Variants in UPRT observed in about 807,000 individuals in gnomAD.
UPRT encodes uracil phosphoribosyltransferase homolog.
A neutral mutation model predicts 22.6 loss-of-function variants in UPRT; 5 were observed. The ratio of observed to expected loss-of-function variants is 0.22; its 90% confidence interval spans 0.12 to 0.47. UPRT has a LOEUF of 0.47. Among genes scored for constraint, UPRT ranks in the 20% least tolerant of loss-of-function variants. The probability of loss-of-function intolerance (pLI) is 0.99; values close to 1 mark genes in which losing one functional copy is unlikely to be tolerated. For synonymous variants in UPRT, 77 were observed against 87.7 expected, an observed-to-expected ratio of 0.88 and a Z score of 0.68; for missense variants, 181 against 239.9, an observed-to-expected ratio of 0.75 and a Z score of 1.62.
At chrX:75,157,057 G>T (rs929324447) in intron 1 of UPRT, among the ~76,000 whole-genome samples, 2 of 112,107 alleles carry the variant, frequency 1.8e-5, no homozygotes, top group Admixed American at 1.9e-4. Context: ...TGTATGGAGA[G>T]AAGACCATGT....
At chrX:75,162,927 A>G (rs769794462) in intron 2 of UPRT, among the ~76,000 whole-genome samples, 18 of 112,031 alleles carry the variant, frequency 1.6e-4, no homozygotes, top group African/African-American at 5.8e-4. Flanking sequence ...ACAAACTAAC[A>G]CAAACTTTGT....
chrX:75,250,685 G>C (rs376595847), intron 4 of UPRT, among the ~76,000 whole-genome samples: 4 of 111,429 alleles, frequency 3.6e-5, no homozygotes, highest in Non-Finnish European at 5.7e-5. Context: ...AATAGAAAAA[G>C]AGGGAATCCT....
chrX:75,207,002 A>T lies in UPRT; in HGVS notation c.-447+39123A>T, dbSNP rs763439029. Among the ~76,000 whole-genome samples the T allele has an allele frequency of 5.3e-5, 6 of 112,259 alleles. No individual in the cohort carries two copies. In the East Asian group the frequency reaches 1.1e-3, roughly 21 times the overall value. ...TAAGAGCTGCCTGCTGGGCTGCCAAATTTGCTAAAACCTTTTCCTTGGTTA... is the reference window on the plus strand; with the variant it reads ...TAAGAGCTGCCTGCTGGGCTGCCAATTTTGCTAAAACCTTTTCCTTGGTTA... On this transcript the variant is annotated intron_variant, in intron 4 of 13. Transcript: ENST00000652605.
chrX:75,219,483 A>G (rs1178774776), intron 4 of UPRT, among the ~76,000 whole-genome samples: 1 of 112,196 alleles, frequency 8.9e-6, no homozygotes. Flanking sequence ...GGGCTTCATC[A>G]AGAGTTTTTG....
intron 4 of UPRT, among the ~76,000 whole-genome samples, chrX:75,170,194 G>A (rs925252935): frequency 1.0e-4 from 11 of 110,104 alleles, no homozygotes; most frequent in Non-Finnish European, 1.9e-4. Context: ...ACGCCACCAC[G>A]CCCAGCTAAT....
In UPRT at chrX:75,233,188, A is replaced by G. The variant is rs1464892187; in HGVS notation, c.-446-57836A>G. 1.1e-4 allele frequency among the ~76,000 whole-genome samples: 12 copies of G among 111,351 alleles called. No homozygotes were observed. The East Asian group carries it at 2.8e-3, about 26-fold the overall frequency. On this transcript the variant is annotated intron_variant, in intron 4 of 13. Transcript: ENST00000652605. ...ATCAACTGGAAGAAAGGGTATCAGC[A>G]ATGGAAGATGAAATGAATGAAATGA...
At chrX:75,224,840 T>A (rs778998066) in intron 4 of UPRT, among the ~76,000 whole-genome samples, 1 of 111,699 alleles carries the variant, frequency 9.0e-6, no homozygotes, top group East Asian at 2.8e-4. Context: ...CAACTTTCAC[T>A]GTTTTTGAGA....
chrX:75,196,208 C>T (rs933777184), intron 4 of UPRT, among the ~76,000 whole-genome samples: 8 of 111,730 alleles, frequency 7.2e-5, no homozygotes, highest in South Asian at 3.7e-4. Flanking sequence ...CTCTGTTGCC[C>T]GGGCTGGAGT....
At chrX:75,268,537 G>A (rs755502458) in intron 4 of UPRT, among the ~76,000 whole-genome samples, 1 of 111,581 alleles carries the variant, frequency 9.0e-6, no homozygotes, top group South Asian at 3.7e-4. Flanking sequence ...AAATCCAGCA[G>A]CACATCAAAA....
At chrX:75,217,052 C>T (rs187550899) in intron 4 of UPRT, among the ~76,000 whole-genome samples, 17 of 111,499 alleles carry the variant, frequency 1.5e-4, no homozygotes, top group Admixed American at 7.6e-4. Flanking sequence ...TGCGCCTGGC[C>T]GAGAAATAAG....
chrX:75,274,119 G>A lies in UPRT; in HGVS notation c.-136G>A. On this transcript the variant is annotated 5_prime_UTR_variant, in exon 1 of 7. Coordinates refer to ENST00000373383, the MANE Select transcript of UPRT (RefSeq NM_145052.4). The stretch of plus-strand genomic sequence containing the variant: ...TAAAGGAAACCAACAGCGGCCTAGG[G>A]GTGAAAGGACAGCCAGGGTTAGATG... 1 of 971,962 alleles carries A rather than the reference G, an allele frequency of 1.0e-6. No homozygotes were observed. Among genetic ancestry groups the A allele is most frequent in the Non-Finnish European group, 1.4e-6 (1 of 727,382 alleles). 80.1% of individuals were successfully genotyped at this position (971,962 alleles called of 1,213,427 possible). A position where few individuals can be genotyped will look rare whatever the true frequency, so the allele number is the denominator to read the frequency against.
chrX:75,190,129 C>A (rs2082309908), intron 4 of UPRT, among the ~76,000 whole-genome samples: 1 of 112,111 alleles, frequency 8.9e-6, no homozygotes, highest in Non-Finnish European at 1.9e-5. Context: ...TTGTTCCTTT[C>A]CATGTTTAGT....
chrX:75,279,923 C>T (rs2082647179), intron 1 of UPRT, among the ~76,000 whole-genome samples: 1 of 111,389 alleles, frequency 9.0e-6, no homozygotes, highest in Non-Finnish European at 1.9e-5. Flanking sequence ...TGAGTTACAT[C>T]ACTTAGAATA....
chrX:75,230,479 C>T (rs2082434994), intron 4 of UPRT, among the ~76,000 whole-genome samples: 1 of 111,982 alleles, frequency 8.9e-6, no homozygotes, highest in Admixed American at 9.4e-5. Flanking sequence ...AAAGCATCAC[C>T]TGCTGGCTGG....
intron 1 of UPRT, 42 bp downstream of exon 1, chrX:75,274,682 G>T (rs1387625878): frequency 2.6e-6 from 3 of 1,145,327 alleles, no homozygotes; most frequent in Non-Finnish European, 2.3e-6. Context: ...GGAGGGTCTT[G>T]CAGGCTGTGG....
rs180751278 is a variant in UPRT, at chrX:75,185,388, A to G, written c.-447+17509A>G. ...GATGAAGCCCACTTGATCATGGTGG[A>G]TAAGCTGTTTGATGTGCTGCTGGAT... On this transcript the variant is annotated intron_variant, in intron 4 of 13. Transcript: ENST00000652605. Among the ~76,000 whole-genome samples, 77 of 111,957 alleles carry G rather than the reference A, an allele frequency of 6.9e-4. 1 individual carries two copies. In the East Asian group the frequency reaches 0.02, roughly 29 times the overall value.
At chrX:75,268,597 G>C (rs974577122) in intron 4 of UPRT, among the ~76,000 whole-genome samples, 5 of 111,657 alleles carry the variant, frequency 4.5e-5, no homozygotes, top group African/African-American at 6.5e-5. Context: ...TGCAAGGCTG[G>C]TTCAACATAT....
intron 4 of UPRT, among the ~76,000 whole-genome samples, chrX:75,223,915 T>A (rs989199022): frequency 8.9e-6 from 1 of 111,912 alleles, no homozygotes; most frequent in Non-Finnish European, 1.9e-5. Flanking sequence ...TATTCAGTCA[T>A]CTTGCTTTAC....
intron 4 of UPRT, among the ~76,000 whole-genome samples, chrX:75,174,892 T>G (rs1350464406): frequency 1.3e-4 from 14 of 111,783 alleles, no homozygotes; most frequent in Non-Finnish European, 2.6e-4. Context: ...TTTCATCTCT[T>G]TCTCTCTTCG....
Sources: gnomAD v4.1 joint callset for allele counts (sites outside exome capture counted in the v4.1 genomes callset) on GRCh38, gnomAD v4.1.1 for gene constraint, MANE v1.5 for transcripts, NCBI Gene and HGNC (gene_info 2026-07-23, HGNC 2026-07-21) for gene names.